LAMA2: variants seen among roughly 807,000 people sequenced by gnomAD.
LAMA2 encodes the protein laminin subunit alpha-2.
LAMA2 carries 269 observed loss-of-function variants against 364.8 expected under a neutral mutation model. That is an observed-to-expected ratio of 0.74 (90% CI 0.67 to 0.82). The LOEUF is 0.82. LAMA2 is among the 40% of genes least tolerant of loss of function. LAMA2 has a pLI of 0.00. For missense variants in LAMA2, 3,807 were observed against 3,873.2 expected (o/e 0.98, Z 0.45); for synonymous variants, 1,379 against 1,370.6 (o/e 1.01, Z -0.14).
intron 3 of LAMA2, among the ~76,000 whole-genome samples, chr6:129,080,787 C>T (rs1344759078): frequency 3.9e-5 from 6 of 152,124 alleles, no homozygotes; most frequent in Non-Finnish European, 8.8e-5. Context: ...GCTTTTACAC[C>T]GTTGGCGGGA....
At chr6:129,145,654 A>G (rs1778388790) in intron 5 of LAMA2, among the ~76,000 whole-genome samples, 1 of 151,932 alleles carries the variant, frequency 6.6e-6, no homozygotes, top group African/African-American at 2.4e-5. Flanking sequence ...GTACACATCT[A>G]TTATTTATAA....
intron 59 of LAMA2, 106 bp from the exon 60 acceptor site, chr6:129,502,985 G>T (rs1306460243): frequency 1.8e-6 from 2 of 1,135,140 alleles, no homozygotes; most frequent in East Asian, 4.8e-5. Flanking sequence ...CTCTGAGAAG[G>T]TTTTACTCTC....
At chr6:129,326,724 T>TTA (rs897346831) in intron 28 of LAMA2, among the ~76,000 whole-genome samples, 1 of 145,256 alleles carries the variant, frequency 6.9e-6, no homozygotes, top group Admixed American at 7.0e-5. Flanking sequence ...TATTTATATA[T>TTA]TATATATATT....
intron 34 of LAMA2, among the ~76,000 whole-genome samples, chr6:129,380,895 T>G (rs1219089542): frequency 6.6e-6 from 1 of 152,212 alleles, no homozygotes; most frequent in Non-Finnish European, 1.5e-5. Context: ...TACACATTAC[T>G]ACGTAAATGA....
intron 23 of LAMA2, among the ~76,000 whole-genome samples, chr6:129,314,073 C>G (rs1020259961): frequency 6.6e-6 from 1 of 152,076 alleles, no homozygotes; most frequent in Non-Finnish European, 1.5e-5. Flanking sequence ...TTGCTCAGAG[C>G]AGAACTGTAG....
chr6:129,135,601 T>TAATG (rs1289916847), intron 4 of LAMA2, among the ~76,000 whole-genome samples: 1 of 152,224 alleles, frequency 6.6e-6, no homozygotes, highest in African/African-American at 2.4e-5. Flanking sequence ...AATACATGAC[T>TAATG]AATGATTTTA....
chr6:129,256,047 A>G (rs1786640702), intron 14 of LAMA2, among the ~76,000 whole-genome samples: 1 of 152,212 alleles, frequency 6.6e-6, no homozygotes, highest in Admixed American at 6.5e-5. Flanking sequence ...TGTAAATCTC[A>G]GTTCCTCTTG....
chr6:128,929,825 C>T (rs905019564), intron 1 of LAMA2: 3 of 1,042,676 alleles, frequency 2.9e-6, no homozygotes, highest in African/African-American at 1.6e-5. Context: ...GTAGAAGATA[C>T]GCAGTCCCTT....
At chr6:129,114,829 A>G (rs1015944321) in intron 4 of LAMA2, among the ~76,000 whole-genome samples, 1 of 152,026 alleles carries the variant, frequency 6.6e-6, no homozygotes, top group Admixed American at 6.6e-5. Flanking sequence ...CAAATCAGAC[A>G]AATCATGCCT....
intron 48 of LAMA2, among the ~76,000 whole-genome samples, chr6:129,457,587 A>G (rs1287944501): frequency 6.6e-6 from 1 of 152,076 alleles, no homozygotes; most frequent in Non-Finnish European, 1.5e-5. Flanking sequence ...ACAATAATAC[A>G]TTTTTTAATA....
At chr6:129,352,727 T>C (rs57420975) in intron 31 of LAMA2, among the ~76,000 whole-genome samples, 16,035 of 152,074 alleles carry the variant, frequency 0.11, 1,134 homozygotes, top group African/African-American at 0.19. Context: ...ATTTGGCCCA[T>C]TTCTGATTCT....
At chr6:129,390,051 C>A (rs1779235769) in intron 35 of LAMA2, among the ~76,000 whole-genome samples, 1 of 152,168 alleles carries the variant, frequency 6.6e-6, no homozygotes, top group African/African-American at 2.4e-5. Flanking sequence ...AAAGTACTGA[C>A]TACAGGAACT....
chr6:129,340,830 C>CAAAAAAA (rs34264921), intron 29 of LAMA2, among the ~76,000 whole-genome samples: 22 of 59,576 alleles, frequency 3.7e-4, no homozygotes, highest in South Asian at 1.2e-3. Flanking sequence ...AGCTCTGTCT[C>CAAAAAAA]AAAAAAAAAA....
chr6:129,404,077 A>G, intron 40 of LAMA2, 118 bp downstream of exon 40: 1 of 1,127,098 alleles, frequency 8.9e-7, no homozygotes, highest in African/African-American at 1.6e-5. Flanking sequence ...TTATTTTTGA[A>G]GACCTCTTTT....
At chr6:129,174,555 T>G (rs1780444168) in intron 9 of LAMA2, among the ~76,000 whole-genome samples, 1 of 151,978 alleles carries the variant, frequency 6.6e-6, no homozygotes, top group African/African-American at 2.4e-5. Flanking sequence ...TCTTAGTTTA[T>G]TCTTTCAGAA....
At position 129,409,742 on chromosome 6, in the gene LAMA2, G is replaced by C. The variant is rs538477675; in HGVS notation, c.5865+5783G>C. Among the ~76,000 whole-genome samples, 3 of 152,292 alleles carry C rather than the reference G, an allele frequency of 2.0e-5. No homozygotes were observed. The South Asian group carries it at 6.2e-4, about 32-fold the overall frequency. ...TCAAACAGGATCCCTGTCTGCCATT[G>C]ACACCTCAAGGACTATTGGATCTGC... is the stretch of plus-strand genomic sequence containing the variant. On this transcript the variant is annotated intron_variant, in intron 40 of 64. Coordinates refer to ENST00000421865, the MANE Select transcript of LAMA2 (RefSeq NM_000426.4).
chr6:129,200,034 G>A (rs1282973900), intron 12 of LAMA2, among the ~76,000 whole-genome samples: 1 of 151,186 alleles, frequency 6.6e-6, no homozygotes, highest in Non-Finnish European at 1.5e-5. Context: ...AGCCAAGATT[G>A]GGTCACTGCA....
chr6:129,261,749 A>G (rs1787151148), intron 15 of LAMA2, among the ~76,000 whole-genome samples: 1 of 152,138 alleles, frequency 6.6e-6, no homozygotes, highest in African/African-American at 2.4e-5. Flanking sequence ...AGAGATACGC[A>G]TTATAGTCAT....
chr6:128,929,877 C>A, intron 1 of LAMA2: 2 of 923,328 alleles, frequency 2.2e-6, no homozygotes, highest in East Asian at 2.4e-5. Context: ...GAGTGAAGAT[C>A]AGGTGACAGC....
Sources: gnomAD v4.1 joint callset for allele counts (sites outside exome capture counted in the v4.1 genomes callset) on GRCh38, gnomAD v4.1.1 for gene constraint, MANE v1.5 for transcripts, NCBI Gene and HGNC (gene_info 2026-07-23, HGNC 2026-07-21) for gene names.